CDH13: variants seen among roughly 807,000 people sequenced by gnomAD.
CDH13 encodes the protein cadherin-13.
In CDH13, 24 loss-of-function variants were observed where a neutral mutation model predicts 63.8. The ratio of observed to expected loss-of-function variants is 0.38; its 90% CI spans 0.27 to 0.53. CDH13 has a LOEUF of 0.53. Ranked by LOEUF, CDH13 falls within the 20% of genes least tolerant of loss-of-function variation. CDH13 has a pLI of 0.85. For synonymous variants in CDH13, 503 were observed against 355.3 expected (o/e 1.42, Z -4.67); for missense variants, 1,049 against 903.1 (o/e 1.16, Z -2.07).
intron 1 of CDH13, among the ~76,000 whole-genome samples, chr16:82,737,634 G>T (rs1003874145): frequency 1.3e-5 from 2 of 152,154 alleles, no homozygotes; most frequent in African/African-American, 2.4e-5. Context: ...TTTCAATTCT[G>T]CTCTGTTTGA....
chr16:83,525,044 G>T lies in CDH13; in HGVS notation c.960+38389G>T, dbSNP rs565771380. 2.0e-5 allele frequency among the ~76,000 whole-genome samples: 3 copies of T among 152,306 alleles called. No homozygotes were observed. In the East Asian group the frequency reaches 5.8e-4, roughly 29 times the overall value. On this transcript the variant is annotated intron_variant, in intron 7 of 13. Coordinates refer to ENST00000567109, the MANE Select transcript of CDH13 (RefSeq NM_001257.5). ...TGATTCTTTTTCTCTGTAAGGAGAAGTTATTGGTCTGATGCACACAGTGGA... is the reference window on the plus strand; with the variant it reads ...TGATTCTTTTTCTCTGTAAGGAGAATTTATTGGTCTGATGCACACAGTGGA...
chr16:82,777,530 T>G (rs565166918), intron 1 of CDH13, among the ~76,000 whole-genome samples: 95 of 152,342 alleles, frequency 6.2e-4, no homozygotes, highest in Non-Finnish European at 1.2e-3. Context: ...TTGTCTTTTG[T>G]GACAGTTCTG....
chr16:83,621,475 CTTTTTTTTTTTTTTTTTT>C lies in CDH13; in HGVS notation c.1101+18893_1101+18910del, dbSNP rs72032168. Among the ~76,000 whole-genome samples the C allele has an allele frequency of 2.1e-4, 6 of 28,530 alleles. No individual in the cohort carries two copies. In the South Asian group the frequency reaches 0.015, roughly 71 times the overall value. The allele number at this position is 28,530 out of a possible 152,430, so 18.7% of individuals were successfully genotyped here. A position where few individuals can be genotyped will look rare whatever the true frequency, so the allele number is the denominator to read the frequency against. On this transcript the variant is annotated intron_variant, in intron 8 of 13. Transcript: ENST00000567109. ...GCCCTCTTGCTCTCACCTCACCTGC[CTTTTTTTTTTTTTTTTTT>C]TTTTTTTTTTTGAGATGGAGTTTCA...
In CDH13 at chr16:82,823,541, G is replaced by T. The variant is rs142236962; in HGVS notation, c.46-34821G>T. ...ACTCAAGATGCTGGCATAACCACTT[G>T]ATAGGAACTACCCCTAGTTATTTTA... is the stretch of plus-strand genomic sequence containing the variant. On this transcript the variant is annotated intron_variant, in intron 1 of 13. Transcript: ENST00000567109. 3.3e-5 allele frequency: 5 copies of T among 152,248 alleles called. No individual in the cohort carries two copies. The East Asian group carries it at 9.7e-4, about 29-fold the overall frequency. 9.4% of individuals were successfully genotyped at this position (152,248 alleles called of 1,614,324 possible).
At chr16:83,791,567 C>T (rs1352480293) in intron 13 of CDH13, among the ~76,000 whole-genome samples, 2 of 151,994 alleles carry the variant, frequency 1.3e-5, no homozygotes, top group Non-Finnish European at 2.9e-5. Context: ...AATCCCAGCA[C>T]TTTGGGAGGC....
chr16:83,186,717 C>T (rs757793828), intron 4 of CDH13, among the ~76,000 whole-genome samples: 11 of 152,086 alleles, frequency 7.2e-5, no homozygotes, highest in Admixed American at 1.3e-4. Flanking sequence ...ATTCTTGCAT[C>T]GGATGAGCTC....
chr16:83,793,976 G>C (rs770801694), intron 13 of CDH13, among the ~76,000 whole-genome samples: 7 of 152,146 alleles, frequency 4.6e-5, no homozygotes, highest in Non-Finnish European at 7.4e-5. Flanking sequence ...CAGAAACAGA[G>C]GGAGGTCAGA....
chr16:82,771,650 G>C (rs1428590642), intron 1 of CDH13, among the ~76,000 whole-genome samples: 1 of 152,312 alleles, frequency 6.6e-6, no homozygotes, highest in Admixed American at 6.5e-5. Context: ...GGTCTGTCCA[G>C]CTTTAGAATG....
At chr16:83,516,172 G>A (rs538038078) in intron 7 of CDH13, among the ~76,000 whole-genome samples, 1 of 152,322 alleles carries the variant, frequency 6.6e-6, no homozygotes, top group East Asian at 1.9e-4. Context: ...GCTCAGGGGG[G>A]TTGTAGAAAG....
chr16:82,873,706 GT>G lies in CDH13; in HGVS notation c.157+15235del, dbSNP rs576582449. Among the ~76,000 whole-genome samples, 6 of 152,282 alleles carry G rather than the reference GT, an allele frequency of 3.9e-5. No homozygotes were observed. In the East Asian group the frequency reaches 9.6e-4, roughly 24 times the overall value. ...GCAATATTTTTATTTTAAAAAGTTG[GT>G]TGGTTTTATCCTTTAAAAGAATAAG... On this transcript the variant is annotated intron_variant, in intron 2 of 13. Coordinates refer to ENST00000567109, the MANE Select transcript of CDH13 (RefSeq NM_001257.5).
intron 2 of CDH13, among the ~76,000 whole-genome samples, chr16:82,996,217 G>T (rs1912185901): frequency 6.6e-6 from 1 of 151,936 alleles, no homozygotes. Context: ...TTCCTTTCCT[G>T]TTGTATATCG....
chr16:83,783,311 C>T lies in CDH13; in HGVS notation c.1973C>T (p.Pro658Leu), dbSNP rs1183018956. The change falls in exon 13 of 14, where the codon CCC (proline) becomes CTC (leucine). Residue 658 changes from proline to leucine, a missense_variant. Coordinates refer to ENST00000567109, the MANE Select transcript of CDH13 (RefSeq NM_001257.5). ...QNLNKANYNL[P>L]IMVTDSGKPP... ...CTGAACAAAGCAAACTACAACCTGC[C>T]CATCATGGTGACAGATTCAGGGAAA... 1 of 1,613,922 alleles carries T rather than the reference C, an allele frequency of 6.2e-7. No homozygotes were observed. The highest frequency in any genetic ancestry group is 8.5e-7 in the Non-Finnish European group (1 of 1,179,858).
chr16:83,634,147 G>C (rs1911042825), intron 8 of CDH13, among the ~76,000 whole-genome samples: 1 of 151,716 alleles, frequency 6.6e-6, no homozygotes, highest in East Asian at 1.9e-4. Context: ...GTGTGTGTGT[G>C]TGTGTGTGTG....
intron 1 of CDH13, among the ~76,000 whole-genome samples, chr16:82,854,166 G>C (rs149124359): frequency 6.6e-6 from 1 of 152,102 alleles, no homozygotes; most frequent in African/African-American, 2.4e-5. Context: ...TTGGGAGGCC[G>C]AGGCAGGCGG....
At chr16:82,706,408 G>A (rs1252538528) in intron 1 of CDH13, among the ~76,000 whole-genome samples, 1 of 152,200 alleles carries the variant, frequency 6.6e-6, no homozygotes, top group African/African-American at 2.4e-5. Flanking sequence ...TAAGGGATGA[G>A]ACAGACTCAG....
At chr16:83,164,565 A>T (rs1022348789) in intron 4 of CDH13, among the ~76,000 whole-genome samples, 8 of 151,932 alleles carry the variant, frequency 5.3e-5, no homozygotes, top group Non-Finnish European at 1.2e-4. Context: ...TACTAAAAAT[A>T]CAGAAATTAG....
intron 1 of CDH13, among the ~76,000 whole-genome samples, chr16:82,670,403 TG>T (rs1913100629): frequency 6.6e-6 from 1 of 152,176 alleles, no homozygotes; most frequent in Non-Finnish European, 1.5e-5. Context: ...CACCTATGGG[TG>T]TGAAATGAGA....
chr16:82,634,384 G>A (rs1908395763), intron 1 of CDH13, among the ~76,000 whole-genome samples: 1 of 152,208 alleles, frequency 6.6e-6, no homozygotes, highest in Admixed American at 6.5e-5. Context: ...GTCTCCCTGT[G>A]GACTGATTGC....
chr16:83,728,277 C>T (rs1910649457), intron 10 of CDH13, among the ~76,000 whole-genome samples: 3 of 151,694 alleles, frequency 2.0e-5, no homozygotes, highest in East Asian at 1.9e-4. Context: ...AGCCTGTGAG[C>T]CGTAAGCGGT....
Sources: gnomAD v4.1 joint callset for allele counts (sites outside exome capture counted in the v4.1 genomes callset) on GRCh38, gnomAD v4.1.1 for gene constraint, MANE v1.5 for transcripts, NCBI Gene and HGNC (gene_info 2026-07-23, HGNC 2026-07-21) for gene names.